DPP6: variants seen among roughly 807,000 people sequenced by gnomAD.
DPP6 encodes A-type potassium channel modulatory protein DPP6.
Under a neutral mutation model 122.6 loss-of-function variants are expected in DPP6, and 69 were observed. The ratio of observed to expected loss-of-function variants is 0.56; its 90% CI spans 0.46 to 0.69. The LOEUF (loss-of-function observed/expected upper bound fraction) is 0.69. DPP6 is among the 30% of genes least tolerant of loss of function. The probability of loss-of-function intolerance (pLI) is 0.00; values close to 1 mark genes in which losing one functional copy is unlikely to be tolerated. For synonymous variants in DPP6, 418 were observed against 433.1 expected (o/e 0.97, Z 0.43); for missense variants, 928 against 1,116.9 (o/e 0.83, Z 2.41).
chr7:154,785,294 C>G (rs746139910), intron 10 of DPP6, among the ~76,000 whole-genome samples: 21 of 152,186 alleles, frequency 1.4e-4, no homozygotes, highest in Non-Finnish European at 2.8e-4. Context: ...GATGACTTTT[C>G]ACTCTTTTTA....
intron 16 of DPP6, among the ~76,000 whole-genome samples, chr7:154,852,536 G>A (rs13228559): frequency 2.1e-5 from 1 of 46,670 alleles, no homozygotes; most frequent in Non-Finnish European, 4.9e-5. Flanking sequence ...TCCCTCTCCT[G>A]CCTTTCCTGC....
chr7:154,574,477 TG>T (rs1831353220), intron 5 of DPP6, among the ~76,000 whole-genome samples: 1 of 129,254 alleles, frequency 7.7e-6, no homozygotes, highest in African/African-American at 3.0e-5. Context: ...TATATGTGTG[TG>T]GTGTGTGTAT....
At chr7:154,712,733 C>G (rs182382033) in intron 7 of DPP6, among the ~76,000 whole-genome samples, 1 of 152,176 alleles carries the variant, frequency 6.6e-6, no homozygotes, top group Non-Finnish European at 1.5e-5. Flanking sequence ...ATTCAATTAT[C>G]TCTACCTGGT....
chr7:154,115,933 T>C lies in DPP6; in HGVS notation c.243+62870T>C, dbSNP rs201775491. The stretch of plus-strand genomic sequence containing the variant: ...AGGTAACCTCATTTGAGAGTTCAAG[T>C]TCTGAACAGAAGAAAAGGATCTCAT... On this transcript the variant is annotated intron_variant, in intron 1 of 25. Transcript: ENST00000377770. Among the ~76,000 whole-genome samples, 8 of 152,054 alleles carry C rather than the reference T, an allele frequency of 5.3e-5. No individual in the cohort carries two copies. In the East Asian group the frequency reaches 1.5e-3, roughly 29 times the overall value.
chr7:153,888,612 G>A (rs1799050153), intron 1 of DPP6, among the ~76,000 whole-genome samples: 1 of 151,264 alleles, frequency 6.6e-6, no homozygotes, highest in East Asian at 2.0e-4. Flanking sequence ...TGTTGAAATT[G>A]TTTGTGTGCC....
the DPP6 span, among the ~76,000 whole-genome samples, chr7:153,853,575 T>C: frequency 6.6e-6 from 1 of 152,160 alleles, no homozygotes; most frequent in East Asian, 1.9e-4. Flanking sequence ...CCTCTGTGAC[T>C]TGTACTAGGC....
intron 6 of DPP6, among the ~76,000 whole-genome samples, chr7:154,660,719 CATATA>C (rs1442733837): frequency 1.7e-4 from 14 of 84,612 alleles, no homozygotes; most frequent in Non-Finnish European, 4.7e-5. Context: ...CGCTAGTATT[CATATA>C]GTCATGGTGA....
At chr7:153,827,251 A>G in the DPP6 span, among the ~76,000 whole-genome samples, 2 of 152,244 alleles carry the variant, frequency 1.3e-5, no homozygotes, top group Middle Eastern at 3.2e-3. Context: ...AAGAATATAT[A>G]ACAGTGTATA....
chr7:154,731,250 C>T (rs1842326895), intron 8 of DPP6, among the ~76,000 whole-genome samples: 1 of 152,188 alleles, frequency 6.6e-6, no homozygotes, highest in Non-Finnish European at 1.5e-5. Context: ...CAGAGGGGCT[C>T]ATTTGCTTGG....
At chr7:153,869,489 G>A in the DPP6 span, among the ~76,000 whole-genome samples, 1 of 151,676 alleles carries the variant, frequency 6.6e-6, no homozygotes, top group Non-Finnish European at 1.5e-5. Flanking sequence ...GCCTTTTTTT[G>A]TTTTCCATTT....
chr7:154,715,375 A>G (rs1011833987), intron 7 of DPP6, among the ~76,000 whole-genome samples: 1 of 152,176 alleles, frequency 6.6e-6, no homozygotes, highest in Non-Finnish European at 1.5e-5. Flanking sequence ...AGCCAGGATA[A>G]CATTTTATAA....
chr7:154,066,465 C>G (rs1487343452), intron 1 of DPP6, among the ~76,000 whole-genome samples: 3 of 152,224 alleles, frequency 2.0e-5, no homozygotes, highest in Non-Finnish European at 2.9e-5. Flanking sequence ...CGCATGTGCT[C>G]TATGCCACGA....
chr7:153,824,665 C>G, the DPP6 span, among the ~76,000 whole-genome samples: 2 of 150,166 alleles, frequency 1.3e-5, no homozygotes, highest in South Asian at 4.2e-4. Flanking sequence ...GTCTGGGTAA[C>G]AAGAGTAAAA....
chr7:153,900,186 T>C (rs971912507), intron 1 of DPP6, among the ~76,000 whole-genome samples: 3 of 152,068 alleles, frequency 2.0e-5, no homozygotes, highest in South Asian at 4.1e-4. Context: ...GTGCCAGTGA[T>C]TTCATTTTTG....
intron 16 of DPP6, among the ~76,000 whole-genome samples, chr7:154,809,810 A>C (rs1433236376): frequency 6.6e-6 from 1 of 152,212 alleles, no homozygotes; most frequent in African/African-American, 2.4e-5. Context: ...TTCCTAACAC[A>C]TACTAACATC....
chr7:154,030,122 A>G (rs996560591), intron 1 of DPP6, among the ~76,000 whole-genome samples: 15 of 152,104 alleles, frequency 9.9e-5, no homozygotes, highest in African/African-American at 3.6e-4. Context: ...CTCCAGCTCA[A>G]GAGGTTAAGG....
At chr7:154,465,102 C>T (rs1821668705) in intron 2 of DPP6, among the ~76,000 whole-genome samples, 1 of 152,122 alleles carries the variant, frequency 6.6e-6, no homozygotes, top group Non-Finnish European at 1.5e-5. Context: ...TATTTCTAGA[C>T]CATGGTCAAC....
intron 1 of DPP6, among the ~76,000 whole-genome samples, chr7:154,180,207 G>C (rs1399576597): frequency 3.3e-5 from 5 of 151,732 alleles, no homozygotes; most frequent in Non-Finnish European, 7.4e-5. Flanking sequence ...AATTAGCCAG[G>C]CATGGTAGTG....
rs533518842 is a variant in DPP6, at chr7:154,068,255, G to T, written c.243+15192G>T. The stretch of plus-strand genomic sequence containing the variant: ...GTGGTGGAGGTGTTTGTATTTTGAG[G>T]TTATTATTCTATTGTTGATTCTTGG... On this transcript the variant is annotated intron_variant, in intron 1 of 25. Transcript: ENST00000377770. Among the ~76,000 whole-genome samples the T allele has an allele frequency of 2.1e-3, 314 of 150,760 alleles. 3 individuals are homozygous for T. The highest frequency in any genetic ancestry group is 7.3e-3 in the African/African-American group (301 of 40,980).
Sources: allele counts gnomAD v4.1 joint callset (sites outside exome capture counted in the v4.1 genomes callset), GRCh38; gene constraint gnomAD v4.1.1; transcripts MANE v1.5; gene names NCBI Gene and HGNC (gene_info 2026-07-23, HGNC 2026-07-21).